The following IAH1 variants were observed in gnomAD, a reference collection of about 807,000 sequenced individuals.
IAH1 encodes isoamyl acetate hydrolyzing esterase 1 (putative).
Under a neutral mutation model 26.7 loss-of-function variants are expected in IAH1, and 24 were observed. The ratio of observed to expected loss-of-function variants is 0.90; its 90% CI spans 0.65 to 1.26. IAH1 has a LOEUF of 1.26. Among genes scored for constraint, IAH1 ranks in the 50% most tolerant of loss-of-function variants. IAH1 has a pLI of 0.00. For synonymous variants in IAH1, 140 were observed against 118.5 expected (o/e 1.18, Z -1.18); for missense variants, 300 against 299.9 (o/e 1.00, Z 0.00).
downstream of IAH1, chr2:9,492,985 T>C (rs369229801): frequency 2.0e-5 from 32 of 1,608,744 alleles, no homozygotes; most frequent in African/African-American, 3.9e-4. Flanking sequence ...CTAAAAACTT[T>C]CCTGTGAACA....
chr2:9,487,556 C>CTT (rs1349509779), intron 5 of IAH1: 1 of 152,138 alleles, frequency 6.6e-6, no homozygotes, highest in African/African-American at 2.4e-5. Context: ...TGGTGAGTGA[C>CTT]TTTCATGAAA....
Position 9,489,157 on chromosome 2 carries a change from T to TTTGTTGTTG in IAH1, c.*837_*845dup, listed in dbSNP as rs34423700. 1 of 146,244 alleles carries TTTGTTGTTG rather than the reference T, an allele frequency of 6.8e-6. No homozygotes were observed. The highest frequency in any genetic ancestry group is 1.5e-5 in the Non-Finnish European group (1 of 64,870). The allele number at this position is 146,244 out of a possible 1,614,324, so 9.1% of individuals were successfully genotyped here. ...ATCACATTCAAAACAACCTGTTTTT[T>TTTGTTGTTG]TTGTTGTTGTTGTTGTTAAGAAATA... On this transcript the variant is annotated 3_prime_UTR_variant, in exon 6 of 6. Coordinates refer to ENST00000497473, the MANE Select transcript of IAH1 (RefSeq NM_001039613.3).
intron 4 of IAH1, among the ~76,000 whole-genome samples, chr2:9,482,682 G>C (rs1393135350): frequency 6.6e-6 from 1 of 152,214 alleles, no homozygotes; most frequent in African/African-American, 2.4e-5. Flanking sequence ...ACTGTTGAGT[G>C]GGGTTGTAGC....
intron 5 of IAH1, among the ~76,000 whole-genome samples, chr2:9,487,811 TGTGTGTGTGTGTGTGTGTGTGTGC>T (rs1256670227): frequency 4.3e-5 from 4 of 93,460 alleles, no homozygotes; most frequent in African/African-American, 8.5e-5. Flanking sequence ...TGTGTGTGTG[TGTGTGTGTGTGTGTGTGTGTGTGC>T]GCGCGCGCGC....
chr2:9,481,226 C>T (rs747396240), intron 3 of IAH1, 60 bp from the exon 4 acceptor site: 78 of 1,575,302 alleles, frequency 5.0e-5, no homozygotes, highest in Non-Finnish European at 5.4e-5. Context: ...AGTGTGTTCA[C>T]CTGAATTGTC....
At chr2:9,492,786 A>G (rs1196758096), downstream of IAH1, 3 of 827,920 alleles carry the variant, frequency 3.6e-6, no homozygotes, top group Non-Finnish European at 3.6e-6. Context: ...GCTATTGGAA[A>G]TATCAGGCCA....
chr2:9,487,831 TGTGC>T (rs1318097559), intron 5 of IAH1, among the ~76,000 whole-genome samples: 1,352 of 80,182 alleles, frequency 0.017, 14 homozygotes, highest in African/African-American at 0.056. Context: ...TGTGTGTGTG[TGTGC>T]GCGCGCGCGC....
chr2:9,474,562 G>C lies in IAH1; in HGVS notation c.-5G>C. On this transcript the variant is annotated 5_prime_UTR_variant, in exon 1 of 6. Coordinates refer to ENST00000497473, the MANE Select transcript of IAH1 (RefSeq NM_001039613.3). This position sits in a 1 kb window ranked among gnomAD's most constrained non-coding sequence, Gnocchi z 4.3. ...CGGCCCCGCCCCGCCCCGCCCGGCT[G>C]CTCCATGGCGCTGTGCGAGGCCGCG... is the stretch of plus-strand genomic sequence containing the variant. 7.7e-7 allele frequency: 1 copy of C among 1,298,342 alleles called. No homozygotes were observed. Among genetic ancestry groups the C allele is most frequent in the African/African-American group, 1.8e-5 (1 of 55,950 alleles). The allele number at this position is 1,298,342 out of a possible 1,614,324, so 80.4% of individuals were successfully genotyped here.
chr2:9,490,422 CAG>C (rs1282226104), downstream of IAH1: 6 of 1,614,050 alleles, frequency 3.7e-6, no homozygotes, highest in African/African-American at 2.7e-5. Flanking sequence ...GAAGGGATCA[CAG>C]GGGCAGGCTG....
At chr2:9,493,647 T>C (rs866241771), downstream of IAH1, 43 of 978,318 alleles carry the variant, frequency 4.4e-5, no homozygotes, top group Middle Eastern at 2.7e-3. Flanking sequence ...TTCCACCTTC[T>C]ACTGCAGAAT....
At chr2:9,476,995 C>T (rs1239201488) in intron 2 of IAH1, among the ~76,000 whole-genome samples, 2 of 152,236 alleles carry the variant, frequency 1.3e-5, no homozygotes, top group Non-Finnish European at 2.9e-5. Context: ...GCATCATCAC[C>T]TCAGCCTCCT....
chr2:9,476,969 A>G (rs1249436742), intron 2 of IAH1, among the ~76,000 whole-genome samples: 2 of 152,116 alleles, frequency 1.3e-5, no homozygotes, highest in East Asian at 3.9e-4. Context: ...TGCAGCCTCC[A>G]CCTCTGGGGC....
chr2:9,486,331 G>C (rs1661475841), intron 5 of IAH1: 1 of 152,144 alleles, frequency 6.6e-6, no homozygotes, highest in African/African-American at 2.4e-5. Flanking sequence ...TGCCAAAAGG[G>C]TCGACATCTA....
downstream of IAH1, chr2:9,490,572 C>A: frequency 1.3e-6 from 2 of 1,498,604 alleles, no homozygotes; most frequent in South Asian, 2.6e-5. Context: ...AATCGGAGGT[C>A]CTCACAGCTC....
chr2:9,490,853 T>G (rs1277114048), downstream of IAH1, among the ~76,000 whole-genome samples: 1 of 152,220 alleles, frequency 6.6e-6, no homozygotes, highest in Non-Finnish European at 1.5e-5. Flanking sequence ...AACTAAGTGT[T>G]GAATGGCTAA....
At chr2:9,474,523 CCT>C, upstream of IAH1, 1 of 1,306,758 alleles carries the variant, frequency 7.7e-7, no homozygotes, top group Non-Finnish European at 1.0e-6. This position sits in a 1 kb window ranked among gnomAD's most constrained non-coding sequence, Gnocchi z 4.3. Flanking sequence ...TGCGCAGGCG[CCT>C]CTCGTGGCTG....
chr2:9,481,180 C>T lies in IAH1; in HGVS notation c.284-106C>T. The stretch of plus-strand genomic sequence containing the variant: ...TTTGTGTCCTTGGTGTTAAACAATC[C>T]CCCCAGTGACATCATGAATAACAGG... On this transcript the variant is annotated intron_variant, in intron 3 of 5. Transcript: ENST00000497473. The T allele has an allele frequency of 2.5e-6, 3 of 1,177,618 alleles. 1 individual carries two copies. The highest frequency in any genetic ancestry group is 3.7e-6 in the Non-Finnish European group (3 of 818,834). The allele number at this position is 1,177,618 out of a possible 1,614,324, so 72.9% of individuals were successfully genotyped here.
In IAH1 at chr2:9,478,264, C is replaced by T. The variant is rs748767585; in HGVS notation, c.177C>T (p.Thr59=). The T allele has an allele frequency of 3.7e-6, 6 of 1,612,468 alleles. No individual in the cohort carries two copies. Among genetic ancestry groups the T allele is most frequent in the Non-Finnish European group, 4.2e-6 (5 of 1,179,296 alleles). The change falls in exon 3 of 6, where the codon ACC becomes ACT. Residue 59 remains threonine (T), a synonymous_variant. Transcript: ENST00000497473. ...ATCGTGGATTTTCAGGTTACAATAC[C>T]AGGTGGGCCAAAATTATCCTTCCAA... The part of the protein sequence containing the change: ...VLNRGFSGYN[T]RWAKIILPRL...
downstream of IAH1, chr2:9,490,634 A>G: frequency 8.8e-7 from 1 of 1,132,660 alleles, no homozygotes. Context: ...TGATGCTAAG[A>G]AAAAAGTGCT....
Sources: allele counts gnomAD v4.1 joint callset (sites outside exome capture counted in the v4.1 genomes callset), GRCh38; gene constraint gnomAD v4.1.1; non-coding constraint Gnocchi (gnomAD v3.1); transcripts MANE v1.5; gene names NCBI Gene and HGNC (gene_info 2026-07-23, HGNC 2026-07-21).